ITGB6: variants seen among roughly 807,000 people sequenced by gnomAD.
ITGB6 encodes the protein integrin beta-6.
Under a neutral mutation model 84.5 loss-of-function variants are expected in ITGB6, and 80 were observed. That is an observed-to-expected ratio of 0.95 (90% CI 0.79 to 1.14). The LOEUF (loss-of-function observed/expected upper bound fraction) is 1.14, where lower values mean the gene tolerates loss of function less well. Ranked by LOEUF, ITGB6 falls within the 50% of genes most tolerant of loss-of-function variation. The pLI, the probability that ITGB6 is intolerant of heterozygous loss-of-function variation, is 0.00. For missense variants in ITGB6, 1,006 were observed against 968.0 expected, an observed-to-expected ratio of 1.04 and a Z score of -0.52; for synonymous variants, 383 against 354.9, an observed-to-expected ratio of 1.08 and a Z score of -0.89.
At chr2:160,156,038 T>C (rs1207692496) in intron 7 of ITGB6, among the ~76,000 whole-genome samples, 2 of 152,202 alleles carry the variant, frequency 1.3e-5, no homozygotes, top group Non-Finnish European at 2.9e-5. Flanking sequence ...GATCTAGCAA[T>C]TCTACTCCTA....
intron 14 of ITGB6, among the ~76,000 whole-genome samples, chr2:160,107,295 TATAAC>T (rs1426379554): frequency 1.3e-5 from 2 of 152,158 alleles, no homozygotes; most frequent in African/African-American, 2.4e-5. Flanking sequence ...TTCCATTCAT[TATAAC>T]ATAACCAATT....
At chr2:160,114,672 C>T (rs1000576715) in intron 12 of ITGB6, among the ~76,000 whole-genome samples, 15 of 152,250 alleles carry the variant, frequency 9.9e-5, no homozygotes, top group South Asian at 2.1e-4. Context: ...AGTGGGTGCG[C>T]GCACCGTGCG....
chr2:160,129,926 GTA>G (rs111500869), intron 10 of ITGB6, among the ~76,000 whole-genome samples: 7 of 151,814 alleles, frequency 4.6e-5, no homozygotes, highest in Admixed American at 6.6e-5. Flanking sequence ...ATGTGTGTGT[GTA>G]TATATATATG....
chr2:160,133,004 GA>G (rs1283049220), intron 10 of ITGB6, among the ~76,000 whole-genome samples: 2 of 152,082 alleles, frequency 1.3e-5, no homozygotes, highest in African/African-American at 4.8e-5. Flanking sequence ...TGAAGGCCCT[GA>G]AAGCCCATTT....
rs182483335 is a variant in ITGB6 at position 160,139,944 on chromosome 2, A to G, written c.1108-1745T>C. 7.2e-5 allele frequency among the ~76,000 whole-genome samples: 11 copies of G among 152,324 alleles called. No homozygotes were observed. In the East Asian group the frequency reaches 2.1e-3, roughly 29 times the overall value. Reference sequence around the variant, plus strand: ...TATTTAAGGTTTTTTTAAAATATCAATACGGCACTGTAAAATACTGAGCTG... The same window carrying G: ...TATTTAAGGTTTTTTTAAAATATCAGTACGGCACTGTAAAATACTGAGCTG... On this transcript the variant is annotated intron_variant, in intron 8 of 14. Transcript: ENST00000283249.
chr2:160,132,715 CTT>C (rs1192210536), intron 10 of ITGB6, among the ~76,000 whole-genome samples: 1 of 151,984 alleles, frequency 6.6e-6, no homozygotes, highest in Admixed American at 6.6e-5. Context: ...ATAGATTACA[CTT>C]ATATATGTGT....
intron 7 of ITGB6, among the ~76,000 whole-genome samples, chr2:160,147,220 A>G (rs1489795423): frequency 1.3e-5 from 2 of 152,104 alleles, no homozygotes; most frequent in African/African-American, 2.4e-5. Context: ...GCTCCCTAGT[A>G]TCTTCCCTTG....
intron 4 of ITGB6, among the ~76,000 whole-genome samples, chr2:160,189,833 A>G (rs1184528392): frequency 6.6e-6 from 1 of 152,164 alleles, no homozygotes; most frequent in Non-Finnish European, 1.5e-5. Flanking sequence ...ATACCATTTG[A>G]CCCAGCCATC....
intron 7 of ITGB6, among the ~76,000 whole-genome samples, chr2:160,155,341 T>G (rs1486606056): frequency 6.6e-6 from 1 of 151,986 alleles, no homozygotes; most frequent in African/African-American, 2.4e-5. Context: ...CACAGAGAAG[T>G]TTTAAAGCAG....
At chr2:160,117,294 C>G (rs973635474) in intron 12 of ITGB6, among the ~76,000 whole-genome samples, 1 of 151,974 alleles carries the variant, frequency 6.6e-6, no homozygotes, top group Non-Finnish European at 1.5e-5. Context: ...TGTAAAAGAA[C>G]AGAAATTATA....
At chr2:160,172,542 A>G in intron 6 of ITGB6, 27 bp downstream of exon 6, 1 of 1,555,758 alleles carries the variant, frequency 6.4e-7, no homozygotes, top group Admixed American at 1.7e-5. Flanking sequence ...ATAGCCCTGA[A>G]AACAGTACAG....
intron 7 of ITGB6, among the ~76,000 whole-genome samples, chr2:160,151,121 C>A (rs1375051027): frequency 6.6e-6 from 1 of 152,162 alleles, no homozygotes; most frequent in Non-Finnish European, 1.5e-5. Flanking sequence ...GAACTCTCCA[C>A]CCCAAATCAA....
chr2:160,135,888 T>G (rs1683692878), intron 10 of ITGB6, among the ~76,000 whole-genome samples: 1 of 152,182 alleles, frequency 6.6e-6, no homozygotes, highest in Non-Finnish European at 1.5e-5. Context: ...CCTTACACCT[T>G]ATACTAAAAT....
At chr2:160,181,141 C>A (rs915526138) in intron 4 of ITGB6, among the ~76,000 whole-genome samples, 8 of 152,062 alleles carry the variant, frequency 5.3e-5, no homozygotes, top group East Asian at 1.9e-4. Context: ...GAGACAGAAC[C>A]GTTCACTCCC....
chr2:160,131,890 G>A (rs898489103), intron 10 of ITGB6, among the ~76,000 whole-genome samples: 3 of 152,002 alleles, frequency 2.0e-5, no homozygotes, highest in Non-Finnish European at 4.4e-5. Context: ...CCTCATGCAT[G>A]GTAAAAAATA....
chr2:160,136,900 G>T (rs1235989212), intron 10 of ITGB6, among the ~76,000 whole-genome samples: 2 of 150,934 alleles, frequency 1.3e-5, no homozygotes, highest in African/African-American at 2.4e-5. Context: ...GGGGCCTGTT[G>T]TGGGGTGGGG....
intron 4 of ITGB6, among the ~76,000 whole-genome samples, chr2:160,178,101 C>A (rs1685504059): frequency 6.6e-6 from 1 of 152,196 alleles, no homozygotes; most frequent in Admixed American, 6.5e-5. Context: ...TCTCGAGCTC[C>A]TGACCTCAAG....
chr2:160,117,283 A>G (rs1210771652), intron 12 of ITGB6, among the ~76,000 whole-genome samples: 1 of 152,146 alleles, frequency 6.6e-6, no homozygotes, highest in Non-Finnish European at 1.5e-5. Flanking sequence ...TCCTCAGCAA[A>G]TGTAAAAGAA....
intron 4 of ITGB6, among the ~76,000 whole-genome samples, chr2:160,184,232 C>T (rs1685804659): frequency 6.6e-6 from 1 of 151,884 alleles, no homozygotes; most frequent in Non-Finnish European, 1.5e-5. Context: ...TGACCACTAG[C>T]CAGAATAATA....
Sources: gnomAD v4.1 joint callset for allele counts (sites outside exome capture counted in the v4.1 genomes callset) on GRCh38, gnomAD v4.1.1 for gene constraint, MANE v1.5 for transcripts, NCBI Gene and HGNC (gene_info 2026-07-23, HGNC 2026-07-21) for gene names.